The following CNOT10 variants were observed in gnomAD, a reference collection of about 807,000 sequenced individuals.
CNOT10 encodes CCR4-NOT transcription complex, subunit 10.
In CNOT10, 30 loss-of-function variants were observed where a neutral mutation model predicts 94.6. That is an observed-to-expected ratio of 0.32 (90% CI 0.24 to 0.43). The LOEUF (loss-of-function observed/expected upper bound fraction) is 0.43, where lower values mean the gene tolerates loss of function less well. Ranked by LOEUF, CNOT10 falls within the 20% of genes least tolerant of loss-of-function variation. CNOT10 has a pLI of 1.00. For synonymous variants in CNOT10, 289 were observed against 301.6 expected, an observed-to-expected ratio of 0.96 and a Z score of 0.43; for missense variants, 759 against 877.2, an observed-to-expected ratio of 0.87 and a Z score of 1.70.
intron 1 of CNOT10, among the ~76,000 whole-genome samples, chr3:32,699,419 G>A (rs1328680353): frequency 6.6e-6 from 1 of 152,088 alleles, no homozygotes; most frequent in Non-Finnish European, 1.5e-5. Flanking sequence ...TAGACATTTA[G>A]TATTATCGTT....
intron 8 of CNOT10, among the ~76,000 whole-genome samples, chr3:32,721,950 C>A (rs1020647053): frequency 6.7e-6 from 1 of 148,790 alleles, no homozygotes; most frequent in East Asian, 2.0e-4. Context: ...CCGTGCCCGG[C>A]CTATTACATA....
At position 32,688,406 on chromosome 3, in the gene CNOT10, C is replaced by A. The variant is rs185756850; in HGVS notation, c.22+2924C>A. Among the ~76,000 whole-genome samples the A allele has an allele frequency of 2.0e-3, 307 of 151,946 alleles. 2 individuals carry two copies. The highest frequency in any genetic ancestry group is 0.017 in the Middle Eastern group (5 of 294). On this transcript the variant is annotated intron_variant, in intron 1 of 18. Transcript: ENST00000328834. ...CTGAGGTCAGGAGTTCAAAACCAGC[C>A]TGACCAACATGGTGAAACCCCATCT... is the stretch of plus-strand genomic sequence containing the variant.
intron 1 of CNOT10, chr3:32,695,499 T>A: frequency 7.2e-7 from 1 of 1,389,314 alleles, no homozygotes; most frequent in Non-Finnish European, 9.6e-7. Context: ...CCAATCAGAT[T>A]TGAATGATTA....
In CNOT10 at chr3:32,685,380, A is replaced by G; in HGVS notation, c.-81A>G. The G allele has an allele frequency of 4.0e-6, 6 of 1,488,142 alleles. No individual in the cohort carries two copies. Among genetic ancestry groups the G allele is most frequent in the Non-Finnish European group, 5.5e-6 (6 of 1,090,876 alleles). 92.2% of individuals were successfully genotyped at this position (1,488,142 alleles called of 1,614,324 possible). On this transcript the variant is annotated 5_prime_UTR_variant, in exon 1 of 19. Coordinates refer to ENST00000328834, the MANE Select transcript of CNOT10 (RefSeq NM_015442.3). ...GGGGTAGGCACAGAGTTGTCCTCGG[A>G]GGTCCAGGACAGCGGCCAGCCCGGC...
At chr3:32,730,423 A>G (rs1698890995) in intron 10 of CNOT10, among the ~76,000 whole-genome samples, 1 of 152,102 alleles carries the variant, frequency 6.6e-6, no homozygotes, top group Non-Finnish European at 1.5e-5. Flanking sequence ...ATTTTTAAAA[A>G]ATGGTAAAGA....
intron 13 of CNOT10, chr3:32,753,474 G>A (rs1301197974): frequency 1.3e-6 from 2 of 1,558,700 alleles, no homozygotes; most frequent in Non-Finnish European, 1.8e-6. Flanking sequence ...ATTTGAAACT[G>A]GAACTTCATC....
intron 1 of CNOT10, among the ~76,000 whole-genome samples, chr3:32,687,102 T>C (rs927667568): frequency 1.3e-5 from 2 of 152,216 alleles, no homozygotes; most frequent in Non-Finnish European, 2.9e-5. Context: ...TGCTTTGATA[T>C]AAGGTTAAAT....
chr3:32,765,270 A>C, intron 17 of CNOT10: 1 of 216,302 alleles, frequency 4.6e-6, no homozygotes, highest in Non-Finnish European at 9.2e-6. Context: ...GTGAGCCAAG[A>C]TTGTGCCACT....
At chr3:32,719,900 G>A (rs536143967) in intron 7 of CNOT10, among the ~76,000 whole-genome samples, 1 of 152,122 alleles carries the variant, frequency 6.6e-6, no homozygotes, top group South Asian at 2.1e-4. Context: ...TTTTCAGGTG[G>A]ACCCTTAGTA....
rs751552711 is a variant in CNOT10 at position 32,717,248 on chromosome 3, T to G, written c.744+11T>G. 6.4e-7 allele frequency: 1 copy of G among 1,561,230 alleles called. No homozygotes were observed. The highest frequency in any genetic ancestry group is 8.8e-7 in the Non-Finnish European group (1 of 1,138,082). ...AATACAGCTGGAAATGTAAGTTTCT[T>G]CTGGACTTTTGTTTTTCAATTTGTG... On this transcript the variant is annotated intron_variant, in intron 7 of 18. Coordinates refer to ENST00000328834, the MANE Select transcript of CNOT10 (RefSeq NM_015442.3).
intron 13 of CNOT10, among the ~76,000 whole-genome samples, chr3:32,758,393 A>C (rs1162118328): frequency 6.6e-6 from 1 of 152,192 alleles, no homozygotes; most frequent in African/African-American, 2.4e-5. Flanking sequence ...TAGGAACCAA[A>C]AGTTAGCAAG....
chr3:32,742,950 TAAG>T (rs1186496112), intron 13 of CNOT10, among the ~76,000 whole-genome samples: 1 of 151,960 alleles, frequency 6.6e-6, no homozygotes, highest in African/African-American at 2.4e-5. Context: ...AAACTTGATT[TAAG>T]TTTTACAAGT....
intron 13 of CNOT10, among the ~76,000 whole-genome samples, chr3:32,751,527 C>T (rs745879309): frequency 1.1e-4 from 17 of 152,138 alleles, no homozygotes; most frequent in Non-Finnish European, 2.4e-4. Flanking sequence ...AATTATAAAG[C>T]TTAATTAGTT....
At chr3:32,716,076 G>T (rs907973786) in intron 5 of CNOT10, 149 bp from the exon 6 acceptor site, 3 of 474,868 alleles carry the variant, frequency 6.3e-6, no homozygotes, top group Middle Eastern at 5.7e-4. Context: ...CAAAGTTCTG[G>T]GATTACAGGC....
intron 13 of CNOT10, among the ~76,000 whole-genome samples, chr3:32,747,147 G>A (rs1340603898): frequency 6.6e-6 from 1 of 151,904 alleles, no homozygotes; most frequent in East Asian, 1.9e-4. Flanking sequence ...CTTGGCAGGT[G>A]GCTCACACCT....
intron 13 of CNOT10, among the ~76,000 whole-genome samples, chr3:32,750,699 G>A (rs1699926420): frequency 6.6e-6 from 1 of 151,890 alleles, no homozygotes; most frequent in Non-Finnish European, 1.5e-5. Flanking sequence ...TTATAGGCAT[G>A]CACCACCAGG....
At chr3:32,763,390 C>T (rs1307158022) in intron 15 of CNOT10, among the ~76,000 whole-genome samples, 2 of 152,142 alleles carry the variant, frequency 1.3e-5, no homozygotes, top group East Asian at 1.9e-4. Context: ...GTGGCTCACA[C>T]CTGTAATCCC....
intron 13 of CNOT10, among the ~76,000 whole-genome samples, chr3:32,740,885 G>A (rs1699434549): frequency 6.7e-6 from 1 of 149,150 alleles, no homozygotes; most frequent in Admixed American, 6.7e-5. Flanking sequence ...AAAAAAATTT[G>A]TGTAGGTGTG....
chr3:32,730,282 A>G (rs1404427566), intron 10 of CNOT10, among the ~76,000 whole-genome samples: 1 of 152,164 alleles, frequency 6.6e-6, no homozygotes, highest in Non-Finnish European at 1.5e-5. Flanking sequence ...TGTGTTCTAC[A>G]GAAGCCATTA....
Sources: gnomAD v4.1 joint callset for allele counts (sites outside exome capture counted in the v4.1 genomes callset) on GRCh38, gnomAD v4.1.1 for gene constraint, MANE v1.5 for transcripts, NCBI Gene and HGNC (gene_info 2026-07-23, HGNC 2026-07-21) for gene names.